WDR75: variants seen among roughly 807,000 people sequenced by gnomAD.
WDR75 encodes the protein WD repeat-containing protein 75.
In WDR75, 52 loss-of-function variants were observed where a neutral mutation model predicts 106.1. That is an observed-to-expected ratio of 0.49 (90% CI 0.39 to 0.62). The LOEUF is 0.62. Ranked by LOEUF, WDR75 falls within the 20% of genes least tolerant of loss-of-function variation. The probability of loss-of-function intolerance (pLI) is 0.00; values close to 1 mark genes in which losing one functional copy is unlikely to be tolerated. For synonymous variants in WDR75, 333 were observed against 335.5 expected (o/e 0.99, Z 0.08); for missense variants, 905 against 970.3 (o/e 0.93, Z 0.89).
chr2:189,449,936 T>C (rs1003709253), intron 2 of WDR75: 28 of 984,456 alleles, frequency 2.8e-5, no homozygotes, highest in Non-Finnish European at 3.4e-5. Flanking sequence ...GCAAAGTATT[T>C]TCCTATAACA....
chr2:189,441,725 G>A lies in WDR75; in HGVS notation c.86+147G>A. ...AGCACGCGCCTGTGGGGGATCCCCAGGGTACCTGGGAGGTCCCGTTACCAC... is the reference window on the plus strand; with the variant it reads ...AGCACGCGCCTGTGGGGGATCCCCAAGGTACCTGGGAGGTCCCGTTACCAC... On this transcript the variant is annotated intron_variant, in intron 1 of 20. Transcript: ENST00000314761. The A allele has an allele frequency of 5.6e-6, 5 of 899,182 alleles. No individual in the cohort carries two copies. The South Asian group carries it at 7.7e-5, about 14-fold the overall frequency. The allele number at this position is 899,182 out of a possible 1,614,324, so 55.7% of individuals were successfully genotyped here. A position where few individuals can be genotyped will look rare whatever the true frequency, so the allele number is the denominator to read the frequency against.
At chr2:189,468,123 T>G (rs539766247) in intron 14 of WDR75, among the ~76,000 whole-genome samples, 15 of 152,270 alleles carry the variant, frequency 9.9e-5, no homozygotes, top group Non-Finnish European at 2.2e-4. Flanking sequence ...TGAATTTACT[T>G]TGTAAAACTT....
At position 189,449,239 on chromosome 2, in the gene WDR75, G is replaced by A. The variant is rs765606036; in HGVS notation, c.216+731G>A. ...TTTTTAATCCAATTCCATTTTCCTG[G>A]ATTAGTCACAGCCAACTTGGAAGTT... On this transcript the variant is annotated intron_variant, in intron 2 of 20. Coordinates refer to ENST00000314761, the MANE Select transcript of WDR75 (RefSeq NM_032168.3). 5 of 1,301,820 alleles carry A rather than the reference G, an allele frequency of 3.8e-6. No homozygotes were observed. In the South Asian group the frequency reaches 4.9e-5, roughly 13 times the overall value. The allele number at this position is 1,301,820 out of a possible 1,614,324, so 80.6% of individuals were successfully genotyped here.
Position 189,455,366 on chromosome 2 carries a change from G to A in WDR75, c.420G>A (p.Gln140=). ...VSVKLPKSSS[Q]EVEAKELSFV... is the part of the protein sequence containing the mutation. ...TGAAACTGCCAAAATCCTCAAGCCAGGAAGTAGAAGCCAAGGAGCTGTCCT... is the reference window on the plus strand; with the variant it reads ...TGAAACTGCCAAAATCCTCAAGCCAAGAAGTAGAAGCCAAGGAGCTGTCCT... The change falls in exon 5 of 21, where the codon CAG becomes CAA. Residue 140 remains glutamine, a synonymous_variant. Coordinates refer to ENST00000314761, the MANE Select transcript of WDR75 (RefSeq NM_032168.3). 6.2e-7 allele frequency: 1 copy of A among 1,614,172 alleles called. No individual in the cohort carries two copies. Among genetic ancestry groups the A allele is most frequent in the South Asian group, 1.1e-5 (1 of 91,076 alleles).
intron 9 of WDR75, among the ~76,000 whole-genome samples, chr2:189,462,957 T>C (rs1456323036): frequency 1.3e-5 from 2 of 152,200 alleles, no homozygotes; most frequent in East Asian, 3.8e-4. Context: ...GAAGTGGACA[T>C]TGGTGCTTTC....
chr2:189,467,692 A>T, intron 14 of WDR75, 44 bp downstream of exon 14: 2 of 1,485,684 alleles, frequency 1.3e-6, no homozygotes, highest in Non-Finnish European at 1.8e-6. Flanking sequence ...TTTTTAACTT[A>T]TTTAAACAAG....
intron 4 of WDR75, among the ~76,000 whole-genome samples, chr2:189,454,581 G>A (rs896942128): frequency 6.6e-6 from 1 of 151,742 alleles, no homozygotes; most frequent in Admixed American, 6.6e-5. Flanking sequence ...GAGTGCAGTG[G>A]CACAGTCTCG....
intron 4 of WDR75, 180 bp downstream of exon 4, chr2:189,452,075 G>A (rs946784040): frequency 1.9e-6 from 1 of 534,800 alleles, no homozygotes; most frequent in Non-Finnish European, 3.3e-6. Context: ...GAAATATGCA[G>A]TGAGGGAGGG....
chr2:189,441,989 A>C (rs1335787674), intron 1 of WDR75, among the ~76,000 whole-genome samples: 2 of 152,186 alleles, frequency 1.3e-5, no homozygotes, highest in Non-Finnish European at 2.9e-5. Context: ...CTCCTGAAGC[A>C]TAGTGCATGA....
chr2:189,472,114 T>C (rs1574205540), intron 18 of WDR75, among the ~76,000 whole-genome samples: 2 of 152,326 alleles, frequency 1.3e-5, no homozygotes, highest in Admixed American at 1.3e-4. Flanking sequence ...ACAGTTGGGA[T>C]ACAGTAGTGA....
intron 5 of WDR75, 91 bp from the exon 6 acceptor site, chr2:189,457,220 G>C (rs1429473426): frequency 2.4e-6 from 2 of 843,788 alleles, no homozygotes; most frequent in African/African-American, 3.5e-5. Flanking sequence ...CAGCCTGGGG[G>C]ACAAGAGCGA....
At chr2:189,459,210 A>G in intron 7 of WDR75, 126 bp from the exon 8 acceptor site, 1 of 705,422 alleles carries the variant, frequency 1.4e-6, no homozygotes, top group South Asian at 2.2e-5. Context: ...GTGCACATTA[A>G]GACCAGAAGC....
chr2:189,469,308 T>G (rs754169858), intron 15 of WDR75, 36 bp from the exon 16 acceptor site: 6 of 1,533,086 alleles, frequency 3.9e-6, no homozygotes, highest in Non-Finnish European at 5.4e-6. Flanking sequence ...GGTAAATCTT[T>G]CCTTAGAAGT....
In WDR75 at chr2:189,459,439, A is replaced by C; in HGVS notation, c.778+15A>C. Reference sequence around the variant, plus strand: ...TTCAGTGACAGGTAAGTGCGGGTTTAATTATTAAAATGAACTTTTGAAGAT... The same window carrying C: ...TTCAGTGACAGGTAAGTGCGGGTTTCATTATTAAAATGAACTTTTGAAGAT... On this transcript the variant is annotated intron_variant, in intron 8 of 20. Coordinates refer to ENST00000314761, the MANE Select transcript of WDR75 (RefSeq NM_032168.3). 1.9e-6 allele frequency: 3 copies of C among 1,594,540 alleles called. No individual in the cohort carries two copies. Among genetic ancestry groups the C allele is most frequent in the Non-Finnish European group, 2.6e-6 (3 of 1,167,118 alleles).
intron 1 of WDR75, among the ~76,000 whole-genome samples, chr2:189,443,565 A>G (rs570120861): frequency 1.3e-5 from 2 of 152,304 alleles, no homozygotes; most frequent in Non-Finnish European, 2.9e-5. Flanking sequence ...ACTCTATGAT[A>G]CATGTTGGTG....
At chr2:189,457,252 GAAAA>G in intron 5 of WDR75, 55 bp from the exon 6 acceptor site, 1 of 1,051,610 alleles carries the variant, frequency 9.5e-7, no homozygotes, top group South Asian at 1.5e-5. Flanking sequence ...AAAAAAAAAA[GAAAA>G]AAAAAAGAGT....
chr2:189,457,365 AAG>A lies in WDR75; in HGVS notation c.555_556del (p.Lys186AsnfsTer13). 1.3e-6 allele frequency: 2 copies of A among 1,598,856 alleles called. No homozygotes were observed. The highest frequency in any genetic ancestry group is 1.7e-6 in the Non-Finnish European group (2 of 1,167,182). ...TTACTTGTCTGTTTATTTTTTCAAA[AAG>A]AAAACAACATCAAGGTAAGAATTAT... Reference protein sequence around the residue: ...EFYLSVYFFKKKTTSRFTLSS... With the variant: ...EFYLSVYFFKXKTTSRFTLSS... On this transcript the variant is annotated frameshift_variant, in exon 6 of 21. Coordinates refer to ENST00000314761, the MANE Select transcript of WDR75 (RefSeq NM_032168.3). LOFTEE classifies it high-confidence loss of function.
chr2:189,463,557 A>T (rs1049892509), intron 9 of WDR75, 137 bp from the exon 10 acceptor site: 8 of 714,844 alleles, frequency 1.1e-5, no homozygotes, highest in South Asian at 3.9e-5. Flanking sequence ...GATGAGCTAA[A>T]AATAATAATA....
Position 189,470,141 on chromosome 2 carries a change from G to C in WDR75, c.1885G>C (p.Val629Leu). 1 of 1,613,618 alleles carries C rather than the reference G, an allele frequency of 6.2e-7. No individual in the cohort carries two copies. Among genetic ancestry groups the C allele is most frequent in the Middle Eastern group, 1.7e-4 (1 of 6,054 alleles). ...YIQKGISREK[V>L]QWGVFVPRDV... ...TCAAAAGGGTATCTCCAGAGAGAAA[G>C]TCCAGTGGGGAGTGTTTGTTCCACG... is the stretch of plus-strand genomic sequence containing the variant. Residue 629 changes from valine to leucine, a missense_variant, in exon 17 of 21, where the codon GTC (valine) becomes CTC (leucine). Physicochemically the swap from Val to Leu is conservative, Grantham distance 32 (BLOSUM62 1). Transcript: ENST00000314761.
Sources: allele counts gnomAD v4.1 joint callset (sites outside exome capture counted in the v4.1 genomes callset), GRCh38; gene constraint gnomAD v4.1.1; transcripts MANE v1.5; gene names NCBI Gene and HGNC (gene_info 2026-07-23, HGNC 2026-07-21).